Variants in JAKMIP3 observed in about 807,000 individuals in gnomAD.
The protein encoded by JAKMIP3 is janus kinase and microtubule-interacting protein 3.
In JAKMIP3, 58 loss-of-function variants were observed where a neutral mutation model predicts 118.5. The ratio of observed to expected loss-of-function variants is 0.49; its 90% CI spans 0.40 to 0.61. The LOEUF (loss-of-function observed/expected upper bound fraction) is 0.61, where lower values mean the gene tolerates loss of function less well. Ranked by LOEUF, JAKMIP3 falls within the 20% of genes least tolerant of loss-of-function variation. The probability of loss-of-function intolerance (pLI) is 0.00; values close to 1 mark genes in which losing one functional copy is unlikely to be tolerated. For missense variants in JAKMIP3, 950 were observed against 1,109.0 expected, an observed-to-expected ratio of 0.86 and a Z score of 2.04; for synonymous variants, 486 against 451.2, an observed-to-expected ratio of 1.08 and a Z score of -0.98.
intron 19 of JAKMIP3, among the ~76,000 whole-genome samples, chr10:132,159,621 TC>T (rs1172790084): frequency 1.5e-4 from 6 of 38,820 alleles, no homozygotes; most frequent in African/African-American, 5.3e-4. Context: ...ATGCTGGGGG[TC>T]CTCTTCCTTT....
chr10:132,088,174 G>T (rs1398778854), intron 1 of JAKMIP3, among the ~76,000 whole-genome samples: 1 of 152,052 alleles, frequency 6.6e-6, no homozygotes, highest in Non-Finnish European at 1.5e-5. Context: ...ACATATGTGT[G>T]CATGTGTCTT....
chr10:132,050,720 A>C (rs1475620303), intron 1 of JAKMIP3, among the ~76,000 whole-genome samples: 1 of 152,232 alleles, frequency 6.6e-6, no homozygotes, highest in Non-Finnish European at 1.5e-5. Context: ...TTTTTTGTGG[A>C]GAACCTTCTA....
upstream of JAKMIP3, among the ~76,000 whole-genome samples, chr10:132,065,063 G>A (rs757454487): frequency 6.6e-6 from 1 of 152,142 alleles, no homozygotes; most frequent in Non-Finnish European, 1.5e-5. The surrounding 1 kb of genome is among the most constrained non-coding windows in gnomAD (Gnocchi z 5.6). Flanking sequence ...TCCAGGCTCC[G>A]ATGCAGTCTC....
intron 23 of JAKMIP3, among the ~76,000 whole-genome samples, chr10:132,175,145 G>A (rs11146230): frequency 0.41 from 62,688 of 152,074 alleles, 14,837 homozygotes; most frequent in Admixed American, 0.54. Flanking sequence ...AAAATGAAGC[G>A]TGGTTTTTGA....
At chr10:132,119,181 C>T (rs936451039) in intron 3 of JAKMIP3, among the ~76,000 whole-genome samples, 1 of 145,258 alleles carries the variant, frequency 6.9e-6, no homozygotes, top group Non-Finnish European at 1.5e-5. Flanking sequence ...AGATCTCTCC[C>T]CTCCGTACAG....
intron 3 of JAKMIP3, among the ~76,000 whole-genome samples, chr10:132,125,749 TTTCACA>T (rs1564929101): frequency 6.6e-6 from 1 of 152,248 alleles, no homozygotes; most frequent in African/African-American, 2.4e-5. Context: ...ATGGTCTGCT[TTTCACA>T]TTTTAAAATA....
At chr10:132,059,732 C>T (rs1023441136), upstream of JAKMIP3, among the ~76,000 whole-genome samples, 1 of 152,226 alleles carries the variant, frequency 6.6e-6, no homozygotes, top group African/African-American at 2.4e-5. Flanking sequence ...AGAAATTGTC[C>T]CCAGGGAGGG....
Position 132,122,292 on chromosome 10 carries a change from C to T in JAKMIP3, c.633+4718C>T, listed in dbSNP as rs575900072. On this transcript the variant is annotated intron_variant, in intron 3 of 23. Coordinates refer to ENST00000684848, the MANE Select transcript of JAKMIP3 (RefSeq NM_001323087.2). The stretch of plus-strand genomic sequence containing the variant: ...TCCCCGGCTGTTGGGGCCCTGACTG[C>T]CCCCCGGTCGGCTCCCCGGCTGTCG... Among the ~76,000 whole-genome samples, 734 of 152,202 alleles carry T rather than the reference C, an allele frequency of 4.8e-3. 3 individuals carry two copies. The highest frequency in any genetic ancestry group is 0.016 in the African/African-American group (682 of 41,474).
intron 3 of JAKMIP3, among the ~76,000 whole-genome samples, chr10:132,127,952 A>G (rs1039993119): frequency 6.6e-6 from 1 of 152,190 alleles, no homozygotes; most frequent in African/African-American, 2.4e-5. Flanking sequence ...TTTTACTTTG[A>G]CACATATCAT....
chr10:132,100,521 C>T (rs187983275), intron 1 of JAKMIP3, among the ~76,000 whole-genome samples: 1 of 152,212 alleles, frequency 6.6e-6, no homozygotes, highest in African/African-American at 2.4e-5. Flanking sequence ...GGATGATTCT[C>T]TGCACCCTGG....
upstream of JAKMIP3, among the ~76,000 whole-genome samples, chr10:132,062,557 C>T (rs1031377311): frequency 7.0e-4 from 106 of 152,334 alleles, 1 homozygote; most frequent in African/African-American, 2.0e-3. Context: ...CGCACCAGTG[C>T]GGATAGCCCT....
chr10:132,107,606 C>A (rs374280346), intron 2 of JAKMIP3, among the ~76,000 whole-genome samples: 3 of 152,342 alleles, frequency 2.0e-5, no homozygotes, highest in African/African-American at 7.2e-5. Context: ...CCTGCATAAG[C>A]GATCTGAGCC....
At position 132,182,916 on chromosome 10, in the gene JAKMIP3, A is replaced by ACTATTAAT. The variant is rs1454252609; in HGVS notation, c.*1665_*1672dup. On this transcript the variant is annotated 3_prime_UTR_variant, in exon 24 of 24. Coordinates refer to ENST00000684848, the MANE Select transcript of JAKMIP3 (RefSeq NM_001323087.2). The stretch of plus-strand genomic sequence containing the variant: ...CTGCAGGATTTTTGCTGGAAAATGC[A>ACTATTAAT]CTATTAATCAGCACTTGTCCAAGAA... 1 of 152,100 alleles carries ACTATTAAT rather than the reference A, an allele frequency of 6.6e-6. No individual in the cohort carries two copies. Among genetic ancestry groups the ACTATTAAT allele is most frequent in the East Asian group, 1.9e-4 (1 of 5,202 alleles). 9.4% of individuals were successfully genotyped at this position (152,100 alleles called of 1,614,324 possible).
chr10:132,083,540 G>T (rs1442695988), intron 1 of JAKMIP3, among the ~76,000 whole-genome samples: 1 of 152,144 alleles, frequency 6.6e-6, no homozygotes, highest in Non-Finnish European at 1.5e-5. Flanking sequence ...GTTTAATTAA[G>T]TCACAGCTAT....
At chr10:132,087,165 T>C (rs2042503496) in intron 1 of JAKMIP3, among the ~76,000 whole-genome samples, 1 of 152,216 alleles carries the variant, frequency 6.6e-6, no homozygotes, top group South Asian at 2.1e-4. Flanking sequence ...ATCATTTTGC[T>C]TAAGGAGGCT....
intron 19 of JAKMIP3, among the ~76,000 whole-genome samples, chr10:132,159,641 G>GGGGGGTCCTCTCCCTGTGTGATGCTCA (rs1564981716): frequency 2.8e-5 from 2 of 70,910 alleles, no homozygotes; most frequent in Non-Finnish European, 6.4e-5. Flanking sequence ...TTGTGATGCT[G>GGGGGGTCCTCTCCCTGTGTGATGCTCA]GGGGGCCTCT....
At chr10:132,105,935 C>A (rs1402924886) in intron 2 of JAKMIP3, among the ~76,000 whole-genome samples, 1 of 152,148 alleles carries the variant, frequency 6.6e-6, no homozygotes, top group South Asian at 2.1e-4. Context: ...GGGGTGGTTG[C>A]TTAACCTCTG....
At chr10:132,075,312 A>G (rs189917677) in intron 1 of JAKMIP3, among the ~76,000 whole-genome samples, 2 of 151,196 alleles carry the variant, frequency 1.3e-5, no homozygotes, top group African/African-American at 4.8e-5. Flanking sequence ...AGGGTTTTCA[A>G]ATTTACAGCT....
chr10:132,092,509 C>T (rs979094952), intron 1 of JAKMIP3, among the ~76,000 whole-genome samples: 1 of 152,190 alleles, frequency 6.6e-6, no homozygotes, highest in African/African-American at 2.4e-5. Context: ...TGCTTCATTT[C>T]ATTCATTTGG....
Sources: gnomAD v4.1 joint callset for allele counts (sites outside exome capture counted in the v4.1 genomes callset) on GRCh38, gnomAD v4.1.1 for gene constraint, Gnocchi (gnomAD v3.1) non-coding constraint, MANE v1.5 for transcripts, NCBI Gene and HGNC (gene_info 2026-07-23, HGNC 2026-07-21) for gene names.